Variants in MATN2 observed in about 807,000 individuals in gnomAD.
MATN2 encodes the protein matrilin-2.
MATN2 carries 69 observed loss-of-function variants against 103.2 expected under a neutral mutation model. The ratio of observed to expected loss-of-function variants is 0.67; its 90% CI spans 0.55 to 0.82. The LOEUF (loss-of-function observed/expected upper bound fraction) is 0.82, where lower values mean the gene tolerates loss of function less well. Among genes scored for constraint, MATN2 ranks in the 40% least tolerant of loss-of-function variants. The pLI, the probability that MATN2 is intolerant of heterozygous loss-of-function variation, is 0.00. For missense variants in MATN2, 1,023 were observed against 1,211.5 expected (o/e 0.84, Z 2.31); for synonymous variants, 429 against 450.2 (o/e 0.95, Z 0.60).
At chr8:98,025,726 A>G in intron 13 of MATN2, 2 of 436,886 alleles carry the variant, frequency 4.6e-6, no homozygotes, top group Non-Finnish European at 9.1e-6. Flanking sequence ...AGCCTGGGCG[A>G]CACAGCAAGA....
rs143029860 is a variant in MATN2, at chr8:97,901,883, A to G, written c.142+13641A>G. Among the ~76,000 whole-genome samples, 7 of 152,328 alleles carry G rather than the reference A, an allele frequency of 4.6e-5. No homozygotes were observed. In the East Asian group the frequency reaches 1.2e-3, roughly 25 times the overall value. On this transcript the variant is annotated intron_variant, in intron 2 of 18. Transcript: ENST00000254898. ...AAATATCTTCAAAATCCATTTGTGC[A>G]TTCAGGTTTTTCATTTCTTCTTAAG...
At chr8:97,984,188 G>T (rs535020572) in intron 6 of MATN2, among the ~76,000 whole-genome samples, 8 of 152,260 alleles carry the variant, frequency 5.3e-5, no homozygotes, top group Admixed American at 3.3e-4. Flanking sequence ...CATCCAACCT[G>T]CATTTGAATA....
At chr8:98,006,602 C>T (rs1355238781) in intron 8 of MATN2, among the ~76,000 whole-genome samples, 3 of 152,204 alleles carry the variant, frequency 2.0e-5, no homozygotes, top group African/African-American at 7.2e-5. Flanking sequence ...AGCTGTGTGG[C>T]TTTGATCTTG....
intron 2 of MATN2, among the ~76,000 whole-genome samples, chr8:97,895,797 G>A (rs1208968431): frequency 6.6e-6 from 1 of 152,150 alleles, no homozygotes; most frequent in Admixed American, 6.5e-5. Context: ...GGTAATTCTT[G>A]TTATATTCTA....
intron 5 of MATN2, among the ~76,000 whole-genome samples, chr8:97,968,387 T>C (rs763334917): frequency 6.6e-6 from 1 of 152,250 alleles, no homozygotes; most frequent in Non-Finnish European, 1.5e-5. Context: ...GTCCTGAAAA[T>C]GCCTTTTCTT....
At chr8:97,936,268 G>T (rs575827204) in intron 3 of MATN2, among the ~76,000 whole-genome samples, 7 of 152,196 alleles carry the variant, frequency 4.6e-5, no homozygotes, top group Non-Finnish European at 1.0e-4. Flanking sequence ...GGGCGAGATT[G>T]CTTTTAATTA....
In MATN2 at chr8:98,005,605, G is replaced by A. The variant is rs1328118731; in HGVS notation, c.1328-1500G>A. The stretch of plus-strand genomic sequence containing the variant: ...ACTCTAAGAAAGTACAAACCAAGCT[G>A]TTTCTGTCTCGCAGTCCTTAGAGAA... On this transcript the variant is annotated intron_variant, in intron 8 of 18. Coordinates refer to ENST00000254898, the MANE Select transcript of MATN2 (RefSeq NM_002380.5). The surrounding 1 kb of genome is among the most constrained non-coding windows in gnomAD (Gnocchi z 4.6). 1.3e-5 allele frequency among the ~76,000 whole-genome samples: 2 copies of A among 152,142 alleles called. No individual in the cohort carries two copies. The highest frequency in any genetic ancestry group is 2.9e-5 in the Non-Finnish European group (2 of 68,022).
intron 4 of MATN2, among the ~76,000 whole-genome samples, chr8:97,949,246 T>C (rs1411546093): frequency 6.7e-6 from 1 of 150,368 alleles, no homozygotes; most frequent in African/African-American, 2.4e-5. Context: ...CTCAGCTCAC[T>C]GCAACCTCTG....
intron 7 of MATN2, among the ~76,000 whole-genome samples, chr8:97,995,747 A>C (rs1812562779): frequency 6.6e-6 from 1 of 152,248 alleles, no homozygotes; most frequent in Non-Finnish European, 1.5e-5. Flanking sequence ...TCATTCTAGC[A>C]AGTGCTAAAC....
intron 7 of MATN2, among the ~76,000 whole-genome samples, chr8:97,996,801 T>C (rs1331418924): frequency 6.6e-6 from 1 of 152,226 alleles, no homozygotes; most frequent in Non-Finnish European, 1.5e-5. Context: ...AGTCCGTTAT[T>C]AGAAGCCTGA....
chr8:98,030,332 G>C, intron 14 of MATN2, 130 bp from the exon 15 acceptor site: 1 of 666,164 alleles, frequency 1.5e-6, no homozygotes, highest in South Asian at 2.1e-5. Context: ...AAAATAAAAA[G>C]GAAGGTTGGC....
chr8:97,941,117 G>A (rs578160102), intron 3 of MATN2, among the ~76,000 whole-genome samples: 31 of 132,238 alleles, frequency 2.3e-4, no homozygotes, highest in African/African-American at 8.3e-4. Context: ...AGCCATGATT[G>A]TGCCACTGCT....
chr8:97,888,275 A>G (rs1818514099), intron 2 of MATN2, 33 bp downstream of exon 2: 1 of 1,487,366 alleles, frequency 6.7e-7, no homozygotes, highest in African/African-American at 1.4e-5. Context: ...AAAAGTGGGC[A>G]GGTGGGGGTG....
At chr8:97,987,602 T>C (rs1316257973) in intron 6 of MATN2, among the ~76,000 whole-genome samples, 4 of 152,192 alleles carry the variant, frequency 2.6e-5, no homozygotes, top group Non-Finnish European at 5.9e-5. Flanking sequence ...TAAATGTATG[T>C]TTATTGGTGT....
chr8:98,015,852 C>T (rs1813340944), intron 10 of MATN2, among the ~76,000 whole-genome samples: 1 of 152,194 alleles, frequency 6.6e-6, no homozygotes, highest in African/African-American at 2.4e-5. Flanking sequence ...CAGTGCCTGG[C>T]TCATTGCAGG....
In MATN2 at chr8:98,032,215, T is replaced by C. The variant is rs1266100478; in HGVS notation, c.2510-31T>C. 1.5e-5 allele frequency: 23 copies of C among 1,577,318 alleles called. No homozygotes were observed. The African/African-American group carries it at 1.6e-4, about 11-fold the overall frequency. On this transcript the variant is annotated intron_variant, in intron 15 of 18. Coordinates refer to ENST00000254898, the MANE Select transcript of MATN2 (RefSeq NM_002380.5). The stretch of plus-strand genomic sequence containing the variant: ...ACACACACATGCCTGTGGACAACCA[T>C]CACTTCTTTTGGTCATCTTTTTCTG...
chr8:97,977,792 C>T (rs965387951), intron 5 of MATN2, among the ~76,000 whole-genome samples: 28 of 152,138 alleles, frequency 1.8e-4, no homozygotes, highest in African/African-American at 6.5e-4. Flanking sequence ...ATCCTCCAGC[C>T]CACCAGGCAG....
chr8:97,988,135 A>T (rs1431222128), intron 6 of MATN2, among the ~76,000 whole-genome samples: 1 of 132,570 alleles, frequency 7.5e-6, no homozygotes, highest in African/African-American at 2.8e-5. Context: ...CCTGGGCAAC[A>T]TAGAGCCCAT....
chr8:97,972,346 A>G (rs1811683693), intron 5 of MATN2, among the ~76,000 whole-genome samples: 1 of 151,640 alleles, frequency 6.6e-6, no homozygotes, highest in South Asian at 2.1e-4. Context: ...CTCAAAAAAA[A>G]AAAAAAAAAG....
Sources: allele counts gnomAD v4.1 joint callset (sites outside exome capture counted in the v4.1 genomes callset), GRCh38; gene constraint gnomAD v4.1.1; non-coding constraint Gnocchi (gnomAD v3.1); transcripts MANE v1.5; gene names NCBI Gene and HGNC (gene_info 2026-07-23, HGNC 2026-07-21).